TRIO: variants seen among roughly 807,000 people sequenced by gnomAD.
TRIO encodes the protein triple functional domain protein.
In TRIO, 58 loss-of-function variants were observed where a neutral mutation model predicts 351.9. That is an observed-to-expected ratio of 0.16 (90% CI 0.13 to 0.21). The LOEUF is 0.21. TRIO is among the 10% of genes least tolerant of loss of function. The pLI, the probability that TRIO is intolerant of heterozygous loss-of-function variation, is 1.00. For missense variants in TRIO, 3,201 were observed against 4,027.8 expected (o/e 0.79, Z 5.56); for synonymous variants, 1,758 against 1,595.7 (o/e 1.10, Z -2.42).
intron 1 of TRIO, among the ~76,000 whole-genome samples, chr5:14,249,881 G>A (rs772241723): frequency 2.6e-5 from 4 of 152,144 alleles, no homozygotes; most frequent in Admixed American, 6.5e-5. Context: ...GGAAAGCTGT[G>A]ATCTGGAATG....
At chr5:14,185,186 T>G (rs376591612) in intron 1 of TRIO, among the ~76,000 whole-genome samples, 2 of 143,944 alleles carry the variant, frequency 1.4e-5, no homozygotes, top group East Asian at 2.3e-4. Context: ...CTCTCTCCTT[T>G]CCTTCTTGTT....
intron 46 of TRIO, among the ~76,000 whole-genome samples, chr5:14,483,222 G>T (rs1365129016): frequency 1.3e-5 from 2 of 152,212 alleles, no homozygotes; most frequent in African/African-American, 4.8e-5. Context: ...TGCCCTCCCT[G>T]CCCTGATGTA....
intron 1 of TRIO, among the ~76,000 whole-genome samples, chr5:14,222,613 A>G (rs1792715318): frequency 6.6e-6 from 1 of 152,194 alleles, no homozygotes; most frequent in African/African-American, 2.4e-5. Flanking sequence ...CTCTTTTCTC[A>G]GTATCTTTGG....
At chr5:14,182,245 T>C (rs1424536142) in intron 1 of TRIO, among the ~76,000 whole-genome samples, 2 of 152,212 alleles carry the variant, frequency 1.3e-5, no homozygotes, top group African/African-American at 2.4e-5. Flanking sequence ...GCTGTGAGGC[T>C]CAGGGAGAGA....
rs1194570377 is a variant in TRIO at position 14,487,830 on chromosome 5, G to C, written c.7202G>C (p.Gly2401Ala). The C allele has an allele frequency of 3.3e-6, 5 of 1,500,866 alleles. No homozygotes were observed. The highest frequency in any genetic ancestry group is 4.4e-6 in the Non-Finnish European group (5 of 1,124,494). The allele number at this position is 1,500,866 out of a possible 1,614,324, so 93.0% of individuals were successfully genotyped here. The part of the protein sequence containing the change: ...SRRPPGADAE[G>A]SEREAEPIPK... The stretch of plus-strand genomic sequence containing the variant: ...CGGCCCCCCGGCGCGGACGCCGAGG[G>C]GTCCGAGCGAGAAGCGGAGCCGATC... Residue 2401 changes from glycine (G) to alanine (A), a missense_variant, in exon 48 of 57, where the codon GGG becomes GCG. Coordinates refer to ENST00000344204, the MANE Select transcript of TRIO (RefSeq NM_007118.4).
Position 14,462,898 on chromosome 5 carries a change from C to A in TRIO, c.5640C>A (p.Leu1880=), listed in dbSNP as rs1055755723. Residue 1880 remains leucine (L), a synonymous_variant, in exon 36 of 57, where the codon CTC becomes CTA. Coordinates refer to ENST00000344204, the MANE Select transcript of TRIO (RefSeq NM_007118.4). ...CCATGGCCATCCAGCAGCACAGCCT[C>A]CTCCAGCCAGACTCACAGGATGACA... ...PPPMAIQQHS[L]LQPDSQDDKA... 6.2e-7 allele frequency: 1 copy of A among 1,604,646 alleles called. No individual in the cohort carries two copies. The highest frequency in any genetic ancestry group is 8.5e-7 in the Non-Finnish European group (1 of 1,175,726).
intron 1 of TRIO, among the ~76,000 whole-genome samples, chr5:14,186,851 A>T (rs113740559): frequency 0.043 from 6,603 of 152,198 alleles, 490 homozygotes; most frequent in African/African-American, 0.15. Flanking sequence ...ATGCTGGGAT[A>T]AAAGGCATGA....
At chr5:14,422,313 GTC>G (rs1750237119) in intron 34 of TRIO, among the ~76,000 whole-genome samples, 1 of 152,164 alleles carries the variant, frequency 6.6e-6, no homozygotes, top group Admixed American at 6.5e-5. Flanking sequence ...TTTCTTATAT[GTC>G]TCTGACTCTT....
chr5:14,227,732 A>G (rs1016510011), intron 1 of TRIO, among the ~76,000 whole-genome samples: 6 of 152,198 alleles, frequency 3.9e-5, no homozygotes, highest in African/African-American at 1.4e-4. Context: ...GGGAGGGTTT[A>G]AGTAATCTGA....
intron 1 of TRIO, among the ~76,000 whole-genome samples, chr5:14,151,349 G>C (rs906644441): frequency 6.6e-6 from 1 of 150,636 alleles, no homozygotes; most frequent in African/African-American, 2.5e-5. Context: ...AATGGGGTTT[G>C]TTGGTGCCTG....
chr5:14,342,131 G>T lies in TRIO; in HGVS notation c.2046+5404G>T, dbSNP rs115854053. 7.2e-3 allele frequency among the ~76,000 whole-genome samples: 1,099 copies of T among 152,134 alleles called. 9 individuals carry two copies. Among genetic ancestry groups the T allele is most frequent in the African/African-American group, 0.025 (1,040 of 41,456 alleles). On this transcript the variant is annotated intron_variant, in intron 11 of 56. Coordinates refer to ENST00000344204, the MANE Select transcript of TRIO (RefSeq NM_007118.4). ...GGAAAAGAGGGAGAAAGCCAGAGCTGCCAGGCTTCTTGCACTGGGGCCGGG... is the reference window on the plus strand; with the variant it reads ...GGAAAAGAGGGAGAAAGCCAGAGCTTCCAGGCTTCTTGCACTGGGGCCGGG...
chr5:14,212,532 C>T (rs1330758825), intron 1 of TRIO, among the ~76,000 whole-genome samples: 2 of 152,278 alleles, frequency 1.3e-5, no homozygotes, highest in African/African-American at 4.8e-5. Flanking sequence ...AAATTTCAGA[C>T]ACCTAAAATA....
At chr5:14,447,100 C>T (rs766374517) in intron 34 of TRIO, among the ~76,000 whole-genome samples, 26 of 152,080 alleles carry the variant, frequency 1.7e-4, no homozygotes, top group Admixed American at 6.5e-4. Flanking sequence ...GGTGTGGTGG[C>T]GGGCACCTAT....
At chr5:14,406,165 G>T in intron 32 of TRIO, 175 bp downstream of exon 32, 1 of 993,906 alleles carries the variant, frequency 1.0e-6, no homozygotes, top group Non-Finnish European at 1.4e-6. Flanking sequence ...TCAGAGATAA[G>T]AGCCTCTATT....
At chr5:14,268,977 G>C (rs1795843369) in intron 1 of TRIO, among the ~76,000 whole-genome samples, 1 of 152,196 alleles carries the variant, frequency 6.6e-6, no homozygotes, top group Non-Finnish European at 1.5e-5. Flanking sequence ...TGAAATTGCA[G>C]AACTCTTGGC....
intron 1 of TRIO, among the ~76,000 whole-genome samples, chr5:14,220,028 TTTC>T (rs1011920479): frequency 2.6e-5 from 4 of 151,274 alleles, no homozygotes; most frequent in Non-Finnish European, 4.4e-5. Context: ...GGGGTTTTTT[TTTC>T]TTCTTCCTCT....
intron 1 of TRIO, among the ~76,000 whole-genome samples, chr5:14,223,118 G>A (rs574796793): frequency 5.9e-5 from 9 of 152,300 alleles, no homozygotes; most frequent in African/African-American, 2.2e-4. Flanking sequence ...CTTATGAGTT[G>A]TCCCAGCTCT....
intron 5 of TRIO, among the ~76,000 whole-genome samples, chr5:14,291,982 A>C (rs148783987): frequency 6.6e-6 from 1 of 152,142 alleles, no homozygotes; most frequent in Non-Finnish European, 1.5e-5. Context: ...AGGCAGACCA[A>C]CTGGTCAAAG....
intron 33 of TRIO, among the ~76,000 whole-genome samples, chr5:14,410,267 C>T (rs930280654): frequency 2.0e-5 from 3 of 152,290 alleles, no homozygotes; most frequent in South Asian, 2.1e-4. Flanking sequence ...TTGCTGCCCA[C>T]GTGTGCCTGC....
Sources: allele counts gnomAD v4.1 joint callset (sites outside exome capture counted in the v4.1 genomes callset), GRCh38; gene constraint gnomAD v4.1.1; transcripts MANE v1.5; gene names NCBI Gene and HGNC (gene_info 2026-07-23, HGNC 2026-07-21).